Variants in BANP observed in about 807,000 individuals in gnomAD.
BANP encodes BTG3 associated nuclear protein.
BANP carries 11 observed loss-of-function variants against 68.1 expected under a neutral mutation model. The ratio of observed to expected loss-of-function variants is 0.16; its 90% CI spans 0.10 to 0.27. The LOEUF (loss-of-function observed/expected upper bound fraction) is 0.27. Among genes scored for constraint, BANP ranks in the 10% least tolerant of loss-of-function variants. BANP has a pLI of 1.00. For missense variants in BANP, 504 were observed against 722.7 expected (o/e 0.70, Z 3.47); for synonymous variants, 329 against 303.2 (o/e 1.09, Z -0.88).
upstream of BANP, among the ~76,000 whole-genome samples, chr16:87,951,188 C>T (rs1425003714): frequency 6.6e-6 from 1 of 152,254 alleles, no homozygotes; most frequent in Non-Finnish European, 1.5e-5. Flanking sequence ...AGACCGTCCA[C>T]TGAGGTGATT....
chr16:87,953,158 G>T (rs1365017147), intron 1 of BANP, among the ~76,000 whole-genome samples: 1 of 151,524 alleles, frequency 6.6e-6, no homozygotes, highest in Non-Finnish European at 1.5e-5. Flanking sequence ...ACAGAGCCAG[G>T]GTTCGAATTC....
At chr16:88,060,849 C>T (rs898263289) in intron 11 of BANP, among the ~76,000 whole-genome samples, 4 of 151,848 alleles carry the variant, frequency 2.6e-5, no homozygotes, top group East Asian at 2.0e-4. Context: ...CACTCTTCGT[C>T]GTCCCCTGCC....
chr16:88,070,846 G>C (rs1479846626), intron 12 of BANP, among the ~76,000 whole-genome samples: 1 of 152,228 alleles, frequency 6.6e-6, no homozygotes, highest in Non-Finnish European at 1.5e-5. Flanking sequence ...TCTGGGCGCC[G>C]TACTTTGCTA....
At chr16:87,987,554 A>ATCTGC (rs930008793) in intron 4 of BANP, among the ~76,000 whole-genome samples, 7 of 151,464 alleles carry the variant, frequency 4.6e-5, no homozygotes, top group Non-Finnish European at 7.4e-5. Flanking sequence ...TGAGACCCCC[A>ATCTGC]TCTGCACAAA....
Position 87,983,974 on chromosome 16 carries a change from C to G in BANP, c.163-86C>G, listed in dbSNP as rs2063796501. On this transcript the variant is annotated intron_variant, in intron 3 of 13. Transcript: ENST00000682872. ...CTGTCTGAATAGATAGAGTTGAGAT[C>G]AGGAAATAGCTGTTTGGTGTTTCTT... 9.7e-6 allele frequency: 14 copies of G among 1,450,064 alleles called. No homozygotes were observed. The South Asian group carries it at 2.0e-4, about 20-fold the overall frequency. 89.8% of individuals were successfully genotyped at this position (1,450,064 alleles called of 1,614,324 possible). A position where few individuals can be genotyped will look rare whatever the true frequency, so the allele number is the denominator to read the frequency against.
Position 88,035,309 on chromosome 16 carries a change from T to G in BANP, c.1201-14T>G, listed in dbSNP as rs766309601. 1 of 1,601,364 alleles carries G rather than the reference T, an allele frequency of 6.2e-7. No individual in the cohort carries two copies. The highest frequency in any genetic ancestry group is 8.5e-7 in the Non-Finnish European group (1 of 1,174,090). On this transcript the variant is annotated splice_polypyrimidine_tract_variant and intron_variant, in intron 9 of 13. Transcript: ENST00000682872. ...TTTTCTTCTGATGCTTCTTGGTGTC[T>G]TTTCTTGCTGCGGATCCCACAGGGA...
chr16:88,054,251 T>C (rs1233529608), intron 11 of BANP, among the ~76,000 whole-genome samples: 60 of 67,848 alleles, frequency 8.8e-4, no homozygotes, highest in East Asian at 1.6e-3. Flanking sequence ...ACCAACACAG[T>C]CACCTTCACC....
At chr16:87,982,836 G>A (rs182326948) in intron 3 of BANP, 1 of 152,406 alleles carries the variant, frequency 6.6e-6, no homozygotes, top group Admixed American at 6.5e-5. Context: ...GCTACATGAT[G>A]TATGATATCA....
rs368084156 is a variant in BANP, at chr16:88,041,046, GCCTGTGC to G, written c.1311+3052_1311+3058del. 4.3e-3 allele frequency among the ~76,000 whole-genome samples: 654 copies of G among 152,350 alleles called. 7 individuals are homozygous for G. The highest frequency in any genetic ancestry group is 0.032 in the Admixed American group (484 of 15,300). On this transcript the variant is annotated intron_variant, in intron 11 of 13. Coordinates refer to ENST00000682872, the MANE Select transcript of BANP (RefSeq NM_001386991.1). ...ATCCGTTTTCCGTCATGGGGCTGGGGCCTGTGCCCTGTGCCCTGTGCCCCCACATCCT... is the reference window on the plus strand; with the variant it reads ...ATCCGTTTTCCGTCATGGGGCTGGGGCCTGTGCCCTGTGCCCCCACATCCT...
At chr16:87,977,855 A>ATTT (rs56382817) in intron 2 of BANP, among the ~76,000 whole-genome samples, 1 of 151,722 alleles carries the variant, frequency 6.6e-6, no homozygotes, top group Non-Finnish European at 1.5e-5. Flanking sequence ...TTATTTATTT[A>ATTT]AGACAGAGGT....
At chr16:87,979,882 G>C (rs2062929991) in intron 2 of BANP, among the ~76,000 whole-genome samples, 1 of 152,068 alleles carries the variant, frequency 6.6e-6, no homozygotes, top group Non-Finnish European at 1.5e-5. Context: ...GGTCCCTTGA[G>C]TACAGGAATT....
intron 11 of BANP, among the ~76,000 whole-genome samples, chr16:88,058,488 A>G (rs905991557): frequency 6.6e-6 from 1 of 152,146 alleles, no homozygotes; most frequent in South Asian, 2.1e-4. Flanking sequence ...CACAGGGGTC[A>G]TTTCTGATCC....
intron 11 of BANP, among the ~76,000 whole-genome samples, chr16:88,041,828 A>C (rs2080870206): frequency 6.6e-6 from 1 of 152,170 alleles, no homozygotes; most frequent in African/African-American, 2.4e-5. Flanking sequence ...TCTGCAGGTG[A>C]GTGTGAGCCT....
At chr16:87,974,108 T>TCC (rs1339578359) in intron 1 of BANP, among the ~76,000 whole-genome samples, 1 of 152,228 alleles carries the variant, frequency 6.6e-6, no homozygotes, top group Non-Finnish European at 1.5e-5. Flanking sequence ...GGGAAGACAG[T>TCC]TTACTTTATA....
intron 1 of BANP, among the ~76,000 whole-genome samples, chr16:87,958,682 G>A (rs531930041): frequency 8.5e-5 from 13 of 152,296 alleles, no homozygotes; most frequent in African/African-American, 2.9e-4. Flanking sequence ...CAGCCTGGGC[G>A]GCAGAGTGAG....
At chr16:87,955,816 C>G (rs1398346165) in intron 1 of BANP, among the ~76,000 whole-genome samples, 1 of 152,244 alleles carries the variant, frequency 6.6e-6, no homozygotes, top group Non-Finnish European at 1.5e-5. Flanking sequence ...CATCACTTCT[C>G]TGGCAGTGTT....
At chr16:87,968,341 G>A (rs978169775) in intron 1 of BANP, among the ~76,000 whole-genome samples, 17 of 151,970 alleles carry the variant, frequency 1.1e-4, no homozygotes, top group East Asian at 7.8e-4. Context: ...AAAATTAGCC[G>A]GGCATGGTGG....
At chr16:87,988,621 C>G (rs552860622) in intron 4 of BANP, among the ~76,000 whole-genome samples, 2 of 152,222 alleles carry the variant, frequency 1.3e-5, no homozygotes, top group African/African-American at 4.8e-5. Context: ...AGAGTATTAC[C>G]TCCAAATCAT....
chr16:88,040,716 C>T (rs2080556714), intron 11 of BANP, among the ~76,000 whole-genome samples: 2 of 152,346 alleles, frequency 1.3e-5, no homozygotes, highest in Middle Eastern at 3.4e-3. Context: ...CCCGTACTGT[C>T]CCGGAGGCCC....
Sources: allele counts gnomAD v4.1 joint callset (sites outside exome capture counted in the v4.1 genomes callset), GRCh38; gene constraint gnomAD v4.1.1; transcripts MANE v1.5; gene names NCBI Gene and HGNC (gene_info 2026-07-23, HGNC 2026-07-21).